The following RRN3 variants were observed in gnomAD, a reference collection of about 807,000 sequenced individuals.
RRN3 encodes the protein RNA polymerase I-specific transcription initiation factor RRN3.
Under a neutral mutation model 82.3 loss-of-function variants are expected in RRN3, and 38 were observed. The ratio of observed to expected loss-of-function variants is 0.46; its 90% CI spans 0.36 to 0.61. The LOEUF (loss-of-function observed/expected upper bound fraction) is 0.61, where lower values mean the gene tolerates loss of function less well. RRN3 is among the 20% of genes least tolerant of loss of function. The pLI, the probability that RRN3 is intolerant of heterozygous loss-of-function variation, is 0.00. For synonymous variants in RRN3, 284 were observed against 284.3 expected, an observed-to-expected ratio of 1.00 and a Z score of 0.01; for missense variants, 726 against 793.1, an observed-to-expected ratio of 0.92 and a Z score of 1.02.
rs991401633 is a variant in RRN3 at position 15,060,973 on chromosome 16, G to A, written c.*771C>T. The A allele has an allele frequency of 6.6e-6, 1 of 152,218 alleles. No homozygotes were observed. The allele number at this position is 152,218 out of a possible 1,614,324, so 9.4% of individuals were successfully genotyped here. On this transcript the variant is annotated 3_prime_UTR_variant, in exon 18 of 18. Transcript: ENST00000198767. Reference sequence around the variant, plus strand: ...AATCTCATGTGTTTTACACAAGCCCGAACTCACTTTCAGTCTGTGTGAATT... The same window carrying A: ...AATCTCATGTGTTTTACACAAGCCCAAACTCACTTTCAGTCTGTGTGAATT...
chr16:15,062,100 G>A (rs1483785354), intron 17 of RRN3, among the ~76,000 whole-genome samples, 195 bp from the exon 18 acceptor site: 1 of 152,200 alleles, frequency 6.6e-6, no homozygotes, highest in Non-Finnish European at 1.5e-5. Context: ...GACTGCTTGA[G>A]CTCAAGAGTT....
chr16:15,073,179 T>C (rs1597914790), intron 11 of RRN3, 99 bp from the exon 12 acceptor site: 2 of 1,378,514 alleles, frequency 1.5e-6, no homozygotes, highest in East Asian at 2.3e-5. Flanking sequence ...AAAACAACAT[T>C]ATCCAGCCAA....
intron 5 of RRN3, 46 bp from the exon 6 acceptor site, chr16:15,085,744 C>A: frequency 6.2e-7 from 1 of 1,609,246 alleles, no homozygotes; most frequent in Non-Finnish European, 8.5e-7. Context: ...TTGATCTAGA[C>A]AATGAATGGC....
chr16:15,062,002 T>C, intron 17 of RRN3, 97 bp from the exon 18 acceptor site: 6 of 1,216,600 alleles, frequency 4.9e-6, no homozygotes, highest in East Asian at 4.8e-5. Flanking sequence ...TTTGTAAAGA[T>C]GGTGAAGAAA....
In RRN3 at chr16:15,077,378, T is replaced by C. The variant is rs188146310; in HGVS notation, c.766-728A>G. Among the ~76,000 whole-genome samples, 901 of 152,190 alleles carry C rather than the reference T, an allele frequency of 5.9e-3. 11 individuals carry two copies. Among genetic ancestry groups the C allele is most frequent in the Admixed American group, 4.6e-3 (71 of 15,288 alleles). On this transcript the variant is annotated intron_variant, in intron 9 of 17. Transcript: ENST00000198767. ...TGAATCATAGGGTAGGTTTCCCCCA[T>C]ACTGTTCTCGTGATAGTGAATAAGT...
intron 9 of RRN3, among the ~76,000 whole-genome samples, chr16:15,077,368 G>A (rs1373587723): frequency 2.6e-5 from 4 of 152,028 alleles, no homozygotes; most frequent in Non-Finnish European, 4.4e-5. Context: ...CATAGGGTAG[G>A]TTTCCCCCAT....
chr16:15,093,256 G>A lies in RRN3; in HGVS notation c.90-642C>T, dbSNP rs374254756. ...TGACTTCAGATGATCCGCCCGCCTC[G>A]GCCTCCCAAAGTGCTGGGATTACAG... On this transcript the variant is annotated intron_variant, in intron 1 of 17. Transcript: ENST00000198767. 7.9e-5 allele frequency among the ~76,000 whole-genome samples: 12 copies of A among 152,098 alleles called. No homozygotes were observed. The East Asian group carries it at 2.1e-3, about 27-fold the overall frequency.
chr16:15,060,155 A>G lies in RRN3; in HGVS notation c.*1589T>C. On this transcript the variant is annotated 3_prime_UTR_variant, in exon 18 of 18. Transcript: ENST00000198767. ...TGAAATTAAACAGACTTATATGTAA[A>G]TGTCTTTCTACATTAAAACTACTTC... 2.4e-6 allele frequency: 1 copy of G among 418,912 alleles called. No homozygotes were observed. The highest frequency in any genetic ancestry group is 1.8e-5 in the South Asian group (1 of 54,872). The allele number at this position is 418,912 out of a possible 1,614,324, so 25.9% of individuals were successfully genotyped here.
At chr16:15,093,902 G>C (rs1285949264) in intron 1 of RRN3, 3 of 531,770 alleles carry the variant, frequency 5.6e-6, no homozygotes, top group Non-Finnish European at 9.8e-6. Flanking sequence ...GGGAAATCAC[G>C]AAGAGACACA....
chr16:15,071,515 C>T lies in RRN3; in HGVS notation c.1129-264G>A, dbSNP rs528144930. The stretch of plus-strand genomic sequence containing the variant: ...AGGCACAGTGGCTCACGCCTGTAAT[C>T]CCAGCACTTTGGGAGGCCGAGGCGG... On this transcript the variant is annotated intron_variant, in intron 12 of 17. Coordinates refer to ENST00000198767, the MANE Select transcript of RRN3 (RefSeq NM_018427.5). Among the ~76,000 whole-genome samples, 23 of 152,346 alleles carry T rather than the reference C, an allele frequency of 1.5e-4. 1 individual carries two copies. Among genetic ancestry groups the T allele is most frequent in the African/African-American group, 5.5e-4 (23 of 41,580 alleles).
At chr16:15,075,754 G>T (rs988666613) in intron 10 of RRN3, among the ~76,000 whole-genome samples, 117 of 152,082 alleles carry the variant, frequency 7.7e-4, no homozygotes, top group African/African-American at 2.7e-3. Flanking sequence ...AATCACAGAT[G>T]CCCCCTACCT....
At chr16:15,069,636 A>G (rs1249672636) in intron 14 of RRN3, among the ~76,000 whole-genome samples, 2 of 152,190 alleles carry the variant, frequency 1.3e-5, no homozygotes, top group Non-Finnish European at 2.9e-5. Context: ...GCCACTAACC[A>G]TGTGATCTTG....
In RRN3 at chr16:15,086,122, G is replaced by A; in HGVS notation, c.472+7C>T. On this transcript the variant is annotated splice_region_variant and intron_variant, in intron 5 of 17. Coordinates refer to ENST00000198767, the MANE Select transcript of RRN3 (RefSeq NM_018427.5). ...AAAAGAAAATAAAATTCCAAGCAAT[G>A]ACTTACGAGGCACAAAATGGGAAGC... 1 of 1,605,774 alleles carries A rather than the reference G, an allele frequency of 6.2e-7. No individual in the cohort carries two copies. Among genetic ancestry groups the A allele is most frequent in the South Asian group, 1.1e-5 (1 of 89,560 alleles).
intron 16 of RRN3, among the ~76,000 whole-genome samples, chr16:15,064,993 C>T (rs1379399872): frequency 6.6e-6 from 1 of 152,084 alleles, no homozygotes; most frequent in Non-Finnish European, 1.5e-5. Flanking sequence ...AGTCAAACCC[C>T]GTCTCTACTA....
intron 14 of RRN3, among the ~76,000 whole-genome samples, chr16:15,069,056 T>C (rs1288307747): frequency 1.3e-5 from 2 of 152,228 alleles, no homozygotes; most frequent in African/African-American, 2.4e-5. Flanking sequence ...AACCTCATCC[T>C]ACTAGTTCAT....
At position 15,060,564 on chromosome 16, in the gene RRN3, CA is replaced by C. The variant is rs1435157201; in HGVS notation, c.*1179del. The stretch of plus-strand genomic sequence containing the variant: ...AAAGATGGCCATTTTCACAAGTAAA[CA>C]AAAAAGTACACATGTAAGAAACAAA... On this transcript the variant is annotated 3_prime_UTR_variant, in exon 18 of 18. Coordinates refer to ENST00000198767, the MANE Select transcript of RRN3 (RefSeq NM_018427.5). 6.5e-6 allele frequency: 1 copy of C among 153,572 alleles called. No individual in the cohort carries two copies. The highest frequency in any genetic ancestry group is 1.4e-5 in the Non-Finnish European group (1 of 69,004). The allele number at this position is 153,572 out of a possible 1,614,324, so 9.5% of individuals were successfully genotyped here.
chr16:15,068,892 A>C (rs536586731), intron 14 of RRN3, among the ~76,000 whole-genome samples: 1 of 152,236 alleles, frequency 6.6e-6, no homozygotes, highest in Non-Finnish European at 1.5e-5. Flanking sequence ...CTTGTACTTA[A>C]GTATATTTTC....
intron 17 of RRN3, among the ~76,000 whole-genome samples, chr16:15,062,855 C>T (rs966887550): frequency 1.9e-4 from 29 of 152,170 alleles, no homozygotes; most frequent in African/African-American, 6.8e-4. Context: ...ATGAGTAAGA[C>T]ACGGTTTTGG....
At chr16:15,087,907 G>C (rs1262047997) in intron 3 of RRN3, among the ~76,000 whole-genome samples, 1 of 151,990 alleles carries the variant, frequency 6.6e-6, no homozygotes, top group Non-Finnish European at 1.5e-5. Flanking sequence ...CTGAGGTTGG[G>C]AGTTCGAGAT....
Sources: allele counts gnomAD v4.1 joint callset (sites outside exome capture counted in the v4.1 genomes callset), GRCh38; gene constraint gnomAD v4.1.1; transcripts MANE v1.5; gene names NCBI Gene and HGNC (gene_info 2026-07-23, HGNC 2026-07-21).